The following MAST1 variants were observed in gnomAD, a reference collection of about 807,000 sequenced individuals.
MAST1 encodes the protein microtubule-associated serine/threonine-protein kinase 1.
In MAST1, 40 loss-of-function variants were observed where a neutral mutation model predicts 124.6. That is an observed-to-expected ratio of 0.32 (90% CI 0.25 to 0.42). MAST1 has a LOEUF of 0.42. Ranked by LOEUF, MAST1 falls within the 10% of genes least tolerant of loss-of-function variation. The probability of loss-of-function intolerance (pLI) is 1.00; values close to 1 mark genes in which losing one functional copy is unlikely to be tolerated. For synonymous variants in MAST1, 938 were observed against 939.4 expected (o/e 1.00, Z 0.03); for missense variants, 1,558 against 2,181.9 (o/e 0.71, Z 5.70).
rs1464292773 is a variant in MAST1, at chr19:12,871,029, C to T, written c.3127-7C>T. 2.5e-6 allele frequency: 4 copies of T among 1,613,976 alleles called. No homozygotes were observed. The highest frequency in any genetic ancestry group is 1.6e-4 in the Middle Eastern group (1 of 6,084). ...TAGCAGAGCATTTTCCCGCATTCTT[C>T]CCCCAGAGTGGCAACAAGGTAGCAG... On this transcript the variant is annotated splice_polypyrimidine_tract_variant and splice_region_variant and intron_variant, in intron 23 of 25. Transcript: ENST00000251472.
At chr19:12,851,016 C>T (rs1321544879) in intron 7 of MAST1, among the ~76,000 whole-genome samples, 2 of 147,810 alleles carry the variant, frequency 1.4e-5, no homozygotes, top group African/African-American at 5.0e-5. Flanking sequence ...GATGTGATCT[C>T]GGCTCACTGC....
Position 12,858,578 on chromosome 19 carries a change from T to C in MAST1, c.1205T>C (p.Met402Thr). 2 of 1,614,206 alleles carry C rather than the reference T, an allele frequency of 1.2e-6. No homozygotes were observed. The highest frequency in any genetic ancestry group is 1.1e-5 in the South Asian group (1 of 91,092). ...RHRDTRQRFA[M>T]KKINKQNLIL... ...CGCGACACGCGGCAGCGCTTTGCCATGAAAAAGATCAACAAGCAGAACTTG... is the reference window on the plus strand; with the variant it reads ...CGCGACACGCGGCAGCGCTTTGCCACGAAAAAGATCAACAAGCAGAACTTG... The change falls in exon 12 of 26, where the codon ATG becomes ACG. Residue 402 changes from methionine to threonine, a missense_variant. Physicochemically the swap from Met to Thr is moderately conservative, Grantham distance 81. Transcript: ENST00000251472.
chr19:12,858,442 G>A lies in MAST1; in HGVS notation c.1157+1G>A. 6.2e-7 allele frequency: 1 copy of A among 1,613,764 alleles called. No individual in the cohort carries two copies. The highest frequency in any genetic ancestry group is 8.5e-7 in the Non-Finnish European group (1 of 1,179,762). ...AGCTCATAAGCAACGGTGCCTACGG[G>A]TGAGCCACCCGGGGCTCTGGCGGGG... On this transcript the variant is annotated splice_donor_variant, in intron 11 of 25. Coordinates refer to ENST00000251472, the MANE Select transcript of MAST1 (RefSeq NM_014975.3). LOFTEE classifies it high-confidence loss of function.
intron 12 of MAST1, among the ~76,000 whole-genome samples, chr19:12,859,859 G>GT (rs963004967): frequency 5.9e-5 from 8 of 136,696 alleles, no homozygotes; most frequent in Non-Finnish European, 8.0e-5. Flanking sequence ...TTTGTTTTTT[G>GT]TTTTTTTTTG....
Position 12,838,775 on chromosome 19 carries a change from C to T in MAST1, c.83+120C>T, listed in dbSNP as rs1313514610. 1 of 847,274 alleles carries T rather than the reference C, an allele frequency of 1.2e-6. No homozygotes were observed. The allele number at this position is 847,274 out of a possible 1,614,324, so 52.5% of individuals were successfully genotyped here. On this transcript the variant is annotated intron_variant, in intron 1 of 25. Transcript: ENST00000251472. The surrounding 1 kb of genome is among the most constrained non-coding windows in gnomAD (Gnocchi z 4.3). The stretch of plus-strand genomic sequence containing the variant: ...CGGTCCAGCTGCGCCAGAGGTGCCC[C>T]AGCTGCGCCTTCCCGCCGGGGTTGG...
chr19:12,838,712 C>T lies in MAST1; in HGVS notation c.83+57C>T, dbSNP rs879081384. 5.2e-6 allele frequency: 8 copies of T among 1,529,948 alleles called. No individual in the cohort carries two copies. In the Admixed American group the frequency reaches 6.8e-5, roughly 13 times the overall value. The allele number at this position is 1,529,948 out of a possible 1,614,324, so 94.8% of individuals were successfully genotyped here. ...GCCCTCCCCGCAAAAGCCGCCGCTC[C>T]GGGTACTGCTGCAGGGCGGGGCCCG... On this transcript the variant is annotated intron_variant, in intron 1 of 25. Coordinates refer to ENST00000251472, the MANE Select transcript of MAST1 (RefSeq NM_014975.3). This position sits in a 1 kb window ranked among gnomAD's most constrained non-coding sequence, Gnocchi z 4.3.
intron 3 of MAST1, among the ~76,000 whole-genome samples, chr19:12,842,496 T>C (rs1969842992): frequency 6.6e-6 from 1 of 152,120 alleles, no homozygotes; most frequent in Non-Finnish European, 1.5e-5. Flanking sequence ...TTTCACCAGG[T>C]TGGTCATGCT....
intron 7 of MAST1, 140 bp from the exon 8 acceptor site, chr19:12,851,791 ATTT>A (rs1183600203): frequency 1.5e-6 from 1 of 650,792 alleles, no homozygotes; most frequent in African/African-American, 1.8e-5. Flanking sequence ...CAGCCTCATT[ATTT>A]TTACTGTGTG....
At chr19:12,850,321 C>T (rs1350341651) in intron 7 of MAST1, among the ~76,000 whole-genome samples, 3 of 152,124 alleles carry the variant, frequency 2.0e-5, no homozygotes, top group Non-Finnish European at 4.4e-5. Flanking sequence ...AGTTGCAGAC[C>T]AGCCTGGGTA....
At position 12,845,411 on chromosome 19, in the gene MAST1, C is replaced by CAAAAAAAAAAAAAAAA. The variant is rs540488398; in HGVS notation, c.327+1812_327+1827dup. The stretch of plus-strand genomic sequence containing the variant: ...GCAACGTGATGAAACCCTGTTTCTA[C>CAAAAAAAAAAAAAAAA]AAAAAAAAAAAAAAAAAAAAAAATT... On this transcript the variant is annotated intron_variant, in intron 4 of 25. Transcript: ENST00000251472. 2.9e-5 allele frequency among the ~76,000 whole-genome samples: 2 copies of CAAAAAAAAAAAAAAAA among 69,110 alleles called. 1 individual carries two copies. The highest frequency in any genetic ancestry group is 1.2e-4 in the African/African-American group (2 of 16,112). 45.3% of individuals were successfully genotyped at this position (69,110 alleles called of 152,430 possible). A position where few individuals can be genotyped will look rare whatever the true frequency, so the allele number is the denominator to read the frequency against.
chr19:12,855,068 T>TA (rs1379158348), intron 10 of MAST1, among the ~76,000 whole-genome samples: 3 of 151,732 alleles, frequency 2.0e-5, no homozygotes, highest in Admixed American at 6.6e-5. Context: ...CTGTCTCTAC[T>TA]AAAAAAATAC....
chr19:12,874,067 CTGCA>C lies in MAST1; in HGVS notation c.3912_3915del (p.His1305AlafsTer33). ...CAAGGACTTCCATGGCGAGCTGGCG[CTGCA>C]TAGCCTTGCCGAGTCCGACGGTGAG... On this transcript the variant is annotated frameshift_variant, in exon 26 of 26. Coordinates refer to ENST00000251472, the MANE Select transcript of MAST1 (RefSeq NM_014975.3). LOFTEE classifies it low-confidence loss of function (END_TRUNC). This position sits in a 1 kb window ranked among gnomAD's most constrained non-coding sequence, Gnocchi z 6.6. 1 of 1,593,456 alleles carries C rather than the reference CTGCA, an allele frequency of 6.3e-7. No homozygotes were observed. The highest frequency in any genetic ancestry group is 8.5e-7 in the Non-Finnish European group (1 of 1,173,372).
Position 12,874,037 on chromosome 19 carries a change from T to A in MAST1, c.3880T>A (p.Phe1294Ile). The stretch of plus-strand genomic sequence containing the variant: ...CAGCCTCGAGGTGGGCCACCCGGAT[T>A]TCCGCAAGGACTTCCATGGCGAGCT... The part of the protein sequence containing the change: ...KHSLEVGHPD[F>I]RKDFHGELAL... Residue 1294 changes from phenylalanine to isoleucine, a missense_variant, in exon 26 of 26, where the codon TTC becomes ATC. Transcript: ENST00000251472. This position sits in a 1 kb window ranked among gnomAD's most constrained non-coding sequence, Gnocchi z 6.6. 1.2e-6 allele frequency: 2 copies of A among 1,605,564 alleles called. No individual in the cohort carries two copies. Among genetic ancestry groups the A allele is most frequent in the Middle Eastern group, 1.7e-4 (1 of 6,054 alleles).
At position 12,873,727 on chromosome 19, in the gene MAST1, G is replaced by A. The variant is rs1380745699; in HGVS notation, c.3570G>A (p.Gln1190=). The A allele has an allele frequency of 1.2e-6, 2 of 1,602,490 alleles. No individual in the cohort carries two copies. Among genetic ancestry groups the A allele is most frequent in the Non-Finnish European group, 1.7e-6 (2 of 1,179,290 alleles). The stretch of plus-strand genomic sequence containing the variant: ...GACTGTCGCCAAAGCTCCATCGCCA[G>A]TACCGCTCTGCGCGATGCAAGTCGG... ...LHGLSPKLHR[Q]YRSARCKSAG... is the part of the protein sequence containing the mutation. The change falls in exon 26 of 26, where the codon CAG becomes CAA. Residue 1190 remains glutamine, a synonymous_variant. Coordinates refer to ENST00000251472, the MANE Select transcript of MAST1 (RefSeq NM_014975.3).
At chr19:12,871,913 CAAAAAAAAA>C (rs34674708) in intron 24 of MAST1, among the ~76,000 whole-genome samples, 43 of 61,052 alleles carry the variant, frequency 7.0e-4, no homozygotes, top group East Asian at 2.3e-3. Context: ...TAGACTCTTT[CAAAAAAAAA>C]AAAAAAAAAA....
At chr19:12,850,595 T>A (rs1969948393) in intron 7 of MAST1, among the ~76,000 whole-genome samples, 1 of 152,246 alleles carries the variant, frequency 6.6e-6, no homozygotes, top group African/African-American at 2.4e-5. Context: ...AATAATACTA[T>A]TTTCATTGAA....
chr19:12,839,725 A>C (rs1222355025), intron 1 of MAST1, among the ~76,000 whole-genome samples: 1 of 152,120 alleles, frequency 6.6e-6, no homozygotes. Flanking sequence ...ATGCCACACA[A>C]AGACATAGAT....
At chr19:12,868,125 T>C in intron 20 of MAST1, 148 bp downstream of exon 20, 1 of 716,362 alleles carries the variant, frequency 1.4e-6, no homozygotes, top group Non-Finnish European at 2.0e-6. Flanking sequence ...TTTTTTTTTT[T>C]TGAGACAGAG....
Position 12,844,651 on chromosome 19 carries a change from G to T in MAST1, c.327+1044G>T, listed in dbSNP as rs117683912. 4.3e-3 allele frequency among the ~76,000 whole-genome samples: 652 copies of T among 152,238 alleles called. 2 individuals carry two copies. The highest frequency in any genetic ancestry group is 7.6e-3 in the Non-Finnish European group (515 of 68,014). On this transcript the variant is annotated intron_variant, in intron 4 of 25. Transcript: ENST00000251472. ...AAGGGAGAAGAGTGTTCCAGGAAGG[G>T]GAAGAGCATGTGCAAACCTCTAGAG...
Sources: gnomAD v4.1 joint callset for allele counts (sites outside exome capture counted in the v4.1 genomes callset) on GRCh38, gnomAD v4.1.1 for gene constraint, Gnocchi (gnomAD v3.1) non-coding constraint, MANE v1.5 for transcripts, NCBI Gene and HGNC (gene_info 2026-07-23, HGNC 2026-07-21) for gene names.